EGFR: variants seen among roughly 807,000 people sequenced by gnomAD.
EGFR encodes the protein epidermal growth factor receptor.
In EGFR, 58 loss-of-function variants were observed where a neutral mutation model predicts 143.0. The ratio of observed to expected loss-of-function variants is 0.41; its 90% CI spans 0.33 to 0.50. The LOEUF (loss-of-function observed/expected upper bound fraction) is 0.50, where lower values mean the gene tolerates loss of function less well. EGFR is among the 20% of genes least tolerant of loss of function. The pLI is 0.39. For synonymous variants in EGFR, 613 were observed against 594.4 expected, an observed-to-expected ratio of 1.03 and a Z score of -0.45; for missense variants, 1,307 against 1,579.0, an observed-to-expected ratio of 0.83 and a Z score of 2.92.
At chr7:55,096,964 C>A (rs929534847) in intron 1 of EGFR, among the ~76,000 whole-genome samples, 20 of 152,138 alleles carry the variant, frequency 1.3e-4, no homozygotes, top group African/African-American at 1.7e-4. Flanking sequence ...CTTACCCCCC[C>A]AGCTCCTCAC....
chr7:55,097,820 C>T (rs1461882648), intron 1 of EGFR, among the ~76,000 whole-genome samples: 1 of 139,496 alleles, frequency 7.2e-6, no homozygotes, highest in Admixed American at 7.2e-5. Context: ...TCCCATTTGT[C>T]AAAAAAAAAA....
chr7:55,189,117 T>TATATATATACACATATAC (rs1341674805), intron 20 of EGFR, among the ~76,000 whole-genome samples: 4 of 151,492 alleles, frequency 2.6e-5, no homozygotes, highest in Non-Finnish European at 4.4e-5. Flanking sequence ...TGTGTGTGTG[T>TATATATATACACATATAC]GTATATATAT....
intron 11 of EGFR, among the ~76,000 whole-genome samples, chr7:55,158,919 G>A (rs892864192): frequency 1.3e-5 from 2 of 152,244 alleles, no homozygotes; most frequent in African/African-American, 4.8e-5. Context: ...AAGAAGAGCA[G>A]CAGGGAGAGG....
At chr7:55,047,331 T>C (rs994524891) in intron 1 of EGFR, among the ~76,000 whole-genome samples, 2 of 152,212 alleles carry the variant, frequency 1.3e-5, no homozygotes, top group African/African-American at 4.8e-5. Context: ...TACTGGAGTA[T>C]TGTTATGCAG....
chr7:55,154,845 GA>G (rs752193163), intron 7 of EGFR, among the ~76,000 whole-genome samples: 10 of 151,714 alleles, frequency 6.6e-5, no homozygotes, highest in Middle Eastern at 3.4e-3. Context: ...AAAAAAAATT[GA>G]AAGAACAATT....
At chr7:55,109,197 T>C (rs1018735493) in intron 1 of EGFR, among the ~76,000 whole-genome samples, 2 of 152,208 alleles carry the variant, frequency 1.3e-5, no homozygotes, top group African/African-American at 2.4e-5. Flanking sequence ...GAGGATTAAA[T>C]TATGTGATCT....
intron 1 of EGFR, among the ~76,000 whole-genome samples, chr7:55,046,458 C>T (rs1053891496): frequency 6.6e-6 from 1 of 152,040 alleles, no homozygotes; most frequent in African/African-American, 2.4e-5. Context: ...TGTCACTGAC[C>T]TTGTGTATGG....
In EGFR at chr7:55,200,405, G is replaced by A. The variant is rs1787795747; in HGVS notation, c.2938G>A (p.Val980Ile). The A allele has an allele frequency of 1.9e-6, 3 of 1,613,860 alleles. No homozygotes were observed. The highest frequency in any genetic ancestry group is 2.7e-5 in the African/African-American group (2 of 74,898). The change falls in exon 24 of 28, where the codon GTC becomes ATC. Residue 980 changes from valine (V) to isoleucine (I), a missense_variant. By Grantham distance (29) the Val-to-Ile change is conservative (BLOSUM62 3). Coordinates refer to ENST00000275493, the MANE Select transcript of EGFR (RefSeq NM_005228.5). ...KMARDPQRYLVIQGDERMHLP... is the reference protein window; with the variant it reads ...KMARDPQRYLIIQGDERMHLP... Reference sequence around the variant, plus strand: ...GGCCCGAGACCCCCAGCGCTACCTTGTCATTCAGGTACAAATTGCAGTCTG... The same window carrying A: ...GGCCCGAGACCCCCAGCGCTACCTTATCATTCAGGTACAAATTGCAGTCTG...
chr7:55,202,735 G>A (rs1162684527), intron 27 of EGFR, 110 bp downstream of exon 27: 3 of 965,104 alleles, frequency 3.1e-6, no homozygotes, highest in Non-Finnish European at 4.9e-6. Flanking sequence ...CTCCAGAGGG[G>A]GAAACAGTGG....
At chr7:55,173,212 G>T (rs780120920) in intron 17 of EGFR, 88 bp downstream of exon 17, 2 of 1,553,376 alleles carry the variant, frequency 1.3e-6, no homozygotes, top group Admixed American at 1.7e-5. Flanking sequence ...TAGCAGTTGT[G>T]TATGTTAGAT....
chr7:55,202,478 G>T (rs549572316), intron 26 of EGFR, 39 bp from the exon 27 acceptor site: 1 of 1,540,090 alleles, frequency 6.5e-7, no homozygotes, highest in Admixed American at 1.9e-5. Flanking sequence ...AGTTGGGGCA[G>T]CCCTGACCGG....
rs1196024342 is a variant in EGFR, at chr7:55,161,640, T to A, written c.1631+9T>A. The A allele has an allele frequency of 6.2e-7, 1 of 1,614,112 alleles. No homozygotes were observed. The highest frequency in any genetic ancestry group is 1.7e-5 in the Admixed American group (1 of 60,022). On this transcript the variant is annotated intron_variant, in intron 13 of 27. Coordinates refer to ENST00000275493, the MANE Select transcript of EGFR (RefSeq NM_005228.5). ...TGCAACCTTCTGGAGGGGTAGGAGG[T>A]TATTTCTTTAATCCCCTTGCGTTGA... is the stretch of plus-strand genomic sequence containing the variant.
intron 1 of EGFR, among the ~76,000 whole-genome samples, chr7:55,069,824 T>C (rs1428748680): frequency 6.6e-6 from 1 of 152,216 alleles, no homozygotes; most frequent in African/African-American, 2.4e-5. Context: ...GTTACCTAAC[T>C]GCTGTCTCCA....
At chr7:55,141,695 C>T (rs905954778) in intron 1 of EGFR, among the ~76,000 whole-genome samples, 3 of 152,002 alleles carry the variant, frequency 2.0e-5, no homozygotes, top group South Asian at 2.1e-4. Flanking sequence ...ACACTTTTGT[C>T]CCTGATTTTA....
intron 10 of EGFR, among the ~76,000 whole-genome samples, chr7:55,157,425 G>T (rs1357752446): frequency 6.6e-6 from 1 of 152,264 alleles, no homozygotes; most frequent in Non-Finnish European, 1.5e-5. Context: ...AGCCAGGGGG[G>T]CGGCGGGAGA....
chr7:55,112,661 G>A (rs1792582224), intron 1 of EGFR, among the ~76,000 whole-genome samples: 1 of 152,204 alleles, frequency 6.6e-6, no homozygotes, highest in Admixed American at 6.5e-5. Flanking sequence ...CTGGAGATCA[G>A]TATGGGAATG....
intron 23 of EGFR, among the ~76,000 whole-genome samples, chr7:55,199,118 T>G (rs960926679): frequency 3.9e-5 from 6 of 152,246 alleles, no homozygotes; most frequent in Non-Finnish European, 8.8e-5. Flanking sequence ...CGCAAGCCAT[T>G]ACACCAAAAT....
At chr7:55,162,973 G>T (rs917933337) in intron 13 of EGFR, among the ~76,000 whole-genome samples, 1 of 152,180 alleles carries the variant, frequency 6.6e-6, no homozygotes, top group African/African-American at 2.4e-5. Flanking sequence ...TGTAGTTTTA[G>T]TAGAGACGGG....
At chr7:55,032,369 G>C (rs749854480) in intron 1 of EGFR, among the ~76,000 whole-genome samples, 33 of 152,130 alleles carry the variant, frequency 2.2e-4, no homozygotes, top group Non-Finnish European at 3.8e-4. Context: ...GGCTAAATGG[G>C]CCTTAAGGGA....
Sources: gnomAD v4.1 joint callset for allele counts (sites outside exome capture counted in the v4.1 genomes callset) on GRCh38, gnomAD v4.1.1 for gene constraint, MANE v1.5 for transcripts, NCBI Gene and HGNC (gene_info 2026-07-23, HGNC 2026-07-21) for gene names.